Variants in FRMPD2 observed in about 807,000 individuals in gnomAD.
FRMPD2 encodes FERM and PDZ domain-containing protein 2.
In FRMPD2, 96 loss-of-function variants were observed where a neutral mutation model predicts 140.1. The ratio of observed to expected loss-of-function variants is 0.69; its 90% confidence interval spans 0.58 to 0.81. The LOEUF (loss-of-function observed/expected upper bound fraction) is 0.81, where lower values mean the gene tolerates loss of function less well. Ranked by LOEUF, FRMPD2 falls within the 40% of genes least tolerant of loss-of-function variation. The pLI, the probability that FRMPD2 is intolerant of heterozygous loss-of-function variation, is 0.00. For synonymous variants in FRMPD2, 449 were observed against 547.6 expected (o/e 0.82, Z 2.52); for missense variants, 1,240 against 1,447.4 (o/e 0.86, Z 2.32).
intron 15 of FRMPD2, among the ~76,000 whole-genome samples, chr10:48,195,315 A>G (rs1838925783): frequency 6.6e-6 from 1 of 152,268 alleles, no homozygotes; most frequent in Non-Finnish European, 1.5e-5. Flanking sequence ...GTAAAAGCTC[A>G]GTGATCTATC....
rs369560793 is a variant in FRMPD2 at position 48,192,657 on chromosome 10, C to A, written c.2165+27G>T. 40 of 1,593,452 alleles carry A rather than the reference C, an allele frequency of 2.5e-5. No homozygotes were observed. The African/African-American group carries it at 5.1e-4, about 20-fold the overall frequency. ...ACCATCAAGCACATGGTGGTTTGGG[C>A]CCAGAGAACAAATGTGTCACACCCA... On this transcript the variant is annotated intron_variant, in intron 16 of 28. Coordinates refer to ENST00000374201, the MANE Select transcript of FRMPD2 (RefSeq NM_001018071.4).
intron 12 of FRMPD2, among the ~76,000 whole-genome samples, chr10:48,216,687 C>A (rs1324059558): frequency 6.6e-6 from 1 of 152,184 alleles, no homozygotes; most frequent in Admixed American, 6.6e-5. Context: ...ACATGAATTG[C>A]CATCTTTCAC....
At chr10:48,224,735 G>A (rs1385267928) in intron 10 of FRMPD2, among the ~76,000 whole-genome samples, 1 of 152,198 alleles carries the variant, frequency 6.6e-6, no homozygotes, top group African/African-American at 2.4e-5. Flanking sequence ...TGTCCATGTG[G>A]GAGGGGCTCA....
chr10:48,214,650 T>A (rs1273497891), intron 12 of FRMPD2, among the ~76,000 whole-genome samples: 1 of 152,350 alleles, frequency 6.6e-6, no homozygotes, highest in Admixed American at 6.5e-5. Flanking sequence ...TGATCCAGGA[T>A]CCTTCTGGTA....
chr10:48,220,141 C>T (rs112553568), intron 12 of FRMPD2, among the ~76,000 whole-genome samples: 1 of 152,004 alleles, frequency 6.6e-6, no homozygotes, highest in African/African-American at 2.4e-5. Context: ...GCAAGACTAA[C>T]CAAAAAGAAC....
At position 48,184,570 on chromosome 10, in the gene FRMPD2, T is replaced by A. The variant is rs1214656769; in HGVS notation, c.2580A>T (p.Ser860=). Reference sequence around the variant, plus strand: ...CAAGAGTGGGTTAAAACATACCTTTTGACTGAGAAATAATTAATTCTATGT... The same window carrying A: ...CAAGAGTGGGTTAAAACATACCTTTAGACTGAGAAATAATTAATTCTATGT... ...PDNIELIISQ[S]KGVGGNNPDE... is the part of the protein sequence containing the mutation. Residue 860 remains serine, a synonymous_variant, in exon 20 of 29, where the codon TCA becomes TCT. Transcript: ENST00000374201. The A allele has an allele frequency of 9.4e-6, 15 of 1,597,584 alleles. No individual in the cohort carries two copies. The highest frequency in any genetic ancestry group is 1.2e-5 in the Non-Finnish European group (14 of 1,165,144).
chr10:48,234,873 C>T (rs1197500832), intron 9 of FRMPD2, among the ~76,000 whole-genome samples: 2 of 152,168 alleles, frequency 1.3e-5, no homozygotes, highest in African/African-American at 4.8e-5. Context: ...AAGCACTGCA[C>T]AAGCATCCCT....
At chr10:48,242,112 C>T in intron 5 of FRMPD2, 49 bp downstream of exon 5, 1 of 1,296,630 alleles carries the variant, frequency 7.7e-7, no homozygotes, top group Non-Finnish European at 1.1e-6. Context: ...ATTTTAATAG[C>T]CACACATGAC....
At chr10:48,190,535 C>A (rs1275005139) in intron 16 of FRMPD2, among the ~76,000 whole-genome samples, 5 of 152,186 alleles carry the variant, frequency 3.3e-5, no homozygotes, top group Non-Finnish European at 7.3e-5. Context: ...CTCTCTCACT[C>A]CTTCTTGGCA....
intron 14 of FRMPD2, among the ~76,000 whole-genome samples, chr10:48,202,680 T>A (rs1392211293): frequency 6.6e-6 from 1 of 152,252 alleles, no homozygotes; most frequent in East Asian, 1.9e-4. Context: ...CATCCACACT[T>A]TTTCAAAGTC....
chr10:48,243,093 C>T (rs1396414863), intron 4 of FRMPD2, among the ~76,000 whole-genome samples: 3 of 152,210 alleles, frequency 2.0e-5, no homozygotes, highest in African/African-American at 7.2e-5. Flanking sequence ...TCTCTGTGTA[C>T]AGCCAAGCTG....
At chr10:48,189,082 T>C (rs976130910) in intron 16 of FRMPD2, among the ~76,000 whole-genome samples, 1 of 152,184 alleles carries the variant, frequency 6.6e-6, no homozygotes, top group Non-Finnish European at 1.5e-5. Context: ...GTAGGTGTTA[T>C]ATTATGTGTA....
intron 22 of FRMPD2, among the ~76,000 whole-genome samples, chr10:48,176,704 A>T (rs1472744444): frequency 1.3e-5 from 2 of 151,952 alleles, no homozygotes; most frequent in Non-Finnish European, 2.9e-5. Flanking sequence ...TCAGTTTTTC[A>T]GATGAAAAAT....
chr10:48,181,431 G>A (rs1347444344), intron 20 of FRMPD2, among the ~76,000 whole-genome samples: 2 of 152,122 alleles, frequency 1.3e-5, no homozygotes, highest in African/African-American at 4.8e-5. Flanking sequence ...TGCCCCAAAT[G>A]CTACAGCCAG....
At chr10:48,176,381 T>C (rs1838410461) in intron 22 of FRMPD2, 1 of 157,012 alleles carries the variant, frequency 6.4e-6, no homozygotes, top group Admixed American at 6.0e-5. Context: ...CCTATGTGAA[T>C]ATGGATATAC....
chr10:48,267,633 C>T (rs1840700856), intron 1 of FRMPD2, among the ~76,000 whole-genome samples: 1 of 152,052 alleles, frequency 6.6e-6, no homozygotes, highest in African/African-American at 2.4e-5. Flanking sequence ...ACAAAAACAC[C>T]AACAATCCAA....
intron 16 of FRMPD2, among the ~76,000 whole-genome samples, chr10:48,190,555 C>A (rs1307852052): frequency 6.6e-6 from 1 of 152,162 alleles, no homozygotes; most frequent in Non-Finnish European, 1.5e-5. Flanking sequence ...ATCACCTCCA[C>A]AAAAACATAC....
intron 1 of FRMPD2, among the ~76,000 whole-genome samples, chr10:48,268,899 A>T (rs1045589059): frequency 6.6e-6 from 1 of 152,216 alleles, no homozygotes; most frequent in Non-Finnish European, 1.5e-5. Flanking sequence ...GGGACACTGG[A>T]GGAAGAGTAT....
chr10:48,236,061 G>T (rs75613936), intron 9 of FRMPD2, among the ~76,000 whole-genome samples: 9,546 of 144,594 alleles, frequency 0.066, 1,030 homozygotes, highest in African/African-American at 0.24. Flanking sequence ...TTTTGTTTTT[G>T]TTTTTTGTTT....
Sources: gnomAD v4.1 joint callset for allele counts (sites outside exome capture counted in the v4.1 genomes callset) on GRCh38, gnomAD v4.1.1 for gene constraint, MANE v1.5 for transcripts, NCBI Gene and HGNC (gene_info 2026-07-23, HGNC 2026-07-21) for gene names.